Variants in TMEM132C observed in about 807,000 individuals in gnomAD.
TMEM132C encodes transmembrane protein 132C.
In TMEM132C, 29 loss-of-function variants were observed where a neutral mutation model predicts 61.4. That is an observed-to-expected ratio of 0.47 (90% CI 0.35 to 0.64). The LOEUF (loss-of-function observed/expected upper bound fraction) is 0.64. TMEM132C is among the 30% of genes least tolerant of loss of function. The pLI is 0.00. For missense variants in TMEM132C, 1,408 were observed against 1,476.9 expected (o/e 0.95, Z 0.76); for synonymous variants, 656 against 633.1 (o/e 1.04, Z -0.54).
chr12:128,597,974 G>A (rs918570076), intron 3 of TMEM132C, among the ~76,000 whole-genome samples: 3 of 152,186 alleles, frequency 2.0e-5, no homozygotes, highest in Non-Finnish European at 4.4e-5. Flanking sequence ...GGAAAGCAAA[G>A]GCTGAGATCA....
At chr12:128,340,940 CTCTCTT>C (rs1282814410) in intron 1 of TMEM132C, among the ~76,000 whole-genome samples, 85 of 125,652 alleles carry the variant, frequency 6.8e-4, no homozygotes, top group African/African-American at 1.7e-3. Flanking sequence ...CTCTCTCTCT[CTCTCTT>C]TCTTTCTTTC....
intron 1 of TMEM132C, among the ~76,000 whole-genome samples, chr12:128,365,948 C>T (rs147803127): frequency 9.1e-4 from 139 of 152,286 alleles, no homozygotes; most frequent in African/African-American, 2.7e-3. Context: ...GCCACTTTTT[C>T]ATTTTGATCC....
At chr12:128,279,536 TC>T (rs1870813997) in intron 1 of TMEM132C, among the ~76,000 whole-genome samples, 1 of 152,136 alleles carries the variant, frequency 6.6e-6, no homozygotes, top group African/African-American at 2.4e-5. Context: ...CCCCGTAGCA[TC>T]CTTCTGACCT....
chr12:128,385,104 T>C (rs1284849144), intron 1 of TMEM132C, among the ~76,000 whole-genome samples: 1 of 152,224 alleles, frequency 6.6e-6, no homozygotes, highest in Non-Finnish European at 1.5e-5. Flanking sequence ...CTTTGGAATT[T>C]ACATGGGTCT....
intron 2 of TMEM132C, among the ~76,000 whole-genome samples, chr12:128,490,598 A>G (rs1021694244): frequency 6.6e-6 from 1 of 152,174 alleles, no homozygotes; most frequent in Non-Finnish European, 1.5e-5. Flanking sequence ...TAAGCTCCTT[A>G]TAGAGAGCCT....
At chr12:128,385,735 T>C (rs988322420) in intron 1 of TMEM132C, among the ~76,000 whole-genome samples, 1 of 152,184 alleles carries the variant, frequency 6.6e-6, no homozygotes, top group African/African-American at 2.4e-5. Flanking sequence ...GAAATTCAAT[T>C]TGGGTATAAG....
At chr12:128,676,597 T>G (rs529288290) in intron 5 of TMEM132C, among the ~76,000 whole-genome samples, 1 of 152,344 alleles carries the variant, frequency 6.6e-6, no homozygotes, top group Non-Finnish European at 1.5e-5. Context: ...CAGATAATTT[T>G]TAAAGAATAA....
At position 128,267,246 on chromosome 12, in the gene TMEM132C, T is replaced by G. The variant is rs1455342160; in HGVS notation, c.-157T>G. Among the ~76,000 whole-genome samples, 1 of 145,336 alleles carries G rather than the reference T, an allele frequency of 6.9e-6. No individual in the cohort carries two copies. The highest frequency in any genetic ancestry group is 1.5e-5 in the Non-Finnish European group (1 of 65,734). ...AGCCAGAGCCGGAGCTGCGGCGGCG[T>G]GGACCCGGCAGGGGCGGGCCTCGGA... On this transcript the variant is annotated 5_prime_UTR_variant, in exon 1 of 9. Coordinates refer to ENST00000435159, the MANE Select transcript of TMEM132C (RefSeq NM_001136103.3).
intron 1 of TMEM132C, among the ~76,000 whole-genome samples, chr12:128,357,919 G>C (rs1873571183): frequency 6.6e-6 from 1 of 151,572 alleles, no homozygotes; most frequent in African/African-American, 2.4e-5. Context: ...AGTTCTGCTT[G>C]TAGAATTTCA....
At position 128,586,864 on chromosome 12, in the gene TMEM132C, C is replaced by T. The variant is rs537724622; in HGVS notation, c.1122-29288C>T. ...TCCCTGCTGCCTGGGACAATTCCTGCCTCCCTGAGAGCCTTCCTGGGCAGC... is the reference window on the plus strand; with the variant it reads ...TCCCTGCTGCCTGGGACAATTCCTGTCTCCCTGAGAGCCTTCCTGGGCAGC... On this transcript the variant is annotated intron_variant, in intron 3 of 8. Transcript: ENST00000435159. Among the ~76,000 whole-genome samples, 37 of 152,328 alleles carry T rather than the reference C, an allele frequency of 2.4e-4. 1 individual carries two copies. In the Middle Eastern group the frequency reaches 0.01, roughly 42 times the overall value.
intron 2 of TMEM132C, among the ~76,000 whole-genome samples, chr12:128,475,085 G>C (rs1327079531): frequency 6.6e-6 from 1 of 152,132 alleles, no homozygotes; most frequent in East Asian, 1.9e-4. Flanking sequence ...CTGCAGAAGG[G>C]CTGTGGGTGG....
At chr12:128,649,749 C>T (rs1393792325) in intron 4 of TMEM132C, among the ~76,000 whole-genome samples, 1 of 152,168 alleles carries the variant, frequency 6.6e-6, no homozygotes, top group African/African-American at 2.4e-5. Context: ...AGCCCATGTG[C>T]CACCCCAAAG....
intron 1 of TMEM132C, among the ~76,000 whole-genome samples, chr12:128,289,458 T>G (rs1321384570): frequency 2.6e-5 from 4 of 152,170 alleles, no homozygotes; most frequent in African/African-American, 7.2e-5. Context: ...ACAGTGAATA[T>G]CTTCATTAGA....
rs368583011 is a variant in TMEM132C at position 128,570,546 on chromosome 12, CT to C, written c.1121+26453del. 1.2e-4 allele frequency among the ~76,000 whole-genome samples: 18 copies of C among 149,118 alleles called. No individual in the cohort carries two copies. Among genetic ancestry groups the C allele is most frequent in the African/African-American group, 3.7e-4 (15 of 40,774 alleles). On this transcript the variant is annotated intron_variant, in intron 3 of 8. Coordinates refer to ENST00000435159, the MANE Select transcript of TMEM132C (RefSeq NM_001136103.3). The surrounding 1 kb of genome is among the most constrained non-coding windows in gnomAD (Gnocchi z 4.7). ...ATTGCAGAGGCCTAACGAAACACGG[CT>C]TTTTTTTTTCCTTTGACTCAGCATG...
At chr12:128,395,815 C>G (rs1683715) in intron 1 of TMEM132C, among the ~76,000 whole-genome samples, 57,185 of 151,302 alleles carry the variant, frequency 0.38, 12,041 homozygotes, top group African/African-American at 0.57. Context: ...ACTGCAATCT[C>G]CTGCCTAGAC....
chr12:128,267,633 C>T (rs1007663731), intron 1 of TMEM132C, 146 bp downstream of exon 1: 36 of 639,660 alleles, frequency 5.6e-5, no homozygotes, highest in Non-Finnish European at 7.2e-5. Flanking sequence ...CTGCGGGTGC[C>T]GAGCCGCCCC....
At chr12:128,291,171 C>T (rs771858311) in intron 1 of TMEM132C, among the ~76,000 whole-genome samples, 4 of 152,134 alleles carry the variant, frequency 2.6e-5, no homozygotes, top group Non-Finnish European at 4.4e-5. Flanking sequence ...AGCTGCAAGG[C>T]GATCCCAGAA....
chr12:128,340,932 CTCTCTCTCTCTCTT>C (rs1248123387), intron 1 of TMEM132C, among the ~76,000 whole-genome samples: 11 of 146,326 alleles, frequency 7.5e-5, no homozygotes, highest in African/African-American at 2.6e-4. Flanking sequence ...CTCTCTCTCT[CTCTCTCTCTCTCTT>C]TCTTTCTTTC....
intron 1 of TMEM132C, among the ~76,000 whole-genome samples, chr12:128,310,062 T>C (rs529645864): frequency 3.0e-4 from 46 of 152,328 alleles, no homozygotes; most frequent in African/African-American, 1.1e-3. Flanking sequence ...CAGGGCTGGA[T>C]AATATTTCAT....
Sources: allele counts gnomAD v4.1 joint callset (sites outside exome capture counted in the v4.1 genomes callset), GRCh38; gene constraint gnomAD v4.1.1; non-coding constraint Gnocchi (gnomAD v3.1); transcripts MANE v1.5; gene names NCBI Gene and HGNC (gene_info 2026-07-23, HGNC 2026-07-21).